The following FMN2 variants were observed in gnomAD, a reference collection of about 807,000 sequenced individuals.
FMN2 encodes the protein formin 2.
A neutral mutation model predicts 142.3 loss-of-function variants in FMN2; 51 were observed. The observed-to-expected ratio is 0.36, with a 90% CI of 0.29 to 0.45. The LOEUF is 0.45. Ranked by LOEUF, FMN2 falls within the 20% of genes least tolerant of loss-of-function variation. The probability of loss-of-function intolerance (pLI) is 1.00; values close to 1 mark genes in which losing one functional copy is unlikely to be tolerated. For synonymous variants in FMN2, 882 were observed against 869.8 expected (o/e 1.01, Z -0.25); for missense variants, 1,936 against 2,122.8 (o/e 0.91, Z 1.73).
intron 4 of FMN2, among the ~76,000 whole-genome samples, chr1:240,206,425 A>T (rs1417780181): frequency 6.6e-6 from 1 of 152,154 alleles, no homozygotes; most frequent in Non-Finnish European, 1.5e-5. Flanking sequence ...AAAATTCGGG[A>T]TTACCTTTAA....
intron 16 of FMN2, among the ~76,000 whole-genome samples, chr1:240,444,038 C>G (rs1675719488): frequency 6.6e-6 from 1 of 152,068 alleles, no homozygotes; most frequent in South Asian, 2.1e-4. Flanking sequence ...GATTGAGAGG[C>G]TATGGTCTAG....
At chr1:240,460,262 A>G (rs146268544) in intron 16 of FMN2, among the ~76,000 whole-genome samples, 118 of 152,342 alleles carry the variant, frequency 7.7e-4, no homozygotes, top group African/African-American at 2.6e-3. Flanking sequence ...TTAAAATAAT[A>G]TCTTCAGTGT....
chr1:240,178,599 G>A (rs959476228), intron 3 of FMN2, among the ~76,000 whole-genome samples: 1 of 151,770 alleles, frequency 6.6e-6, no homozygotes, highest in South Asian at 2.1e-4. Context: ...ACACCACCAC[G>A]TCCAGCTAAT....
chr1:240,280,482 C>T (rs1303397416), intron 7 of FMN2, among the ~76,000 whole-genome samples: 2 of 152,092 alleles, frequency 1.3e-5, no homozygotes, highest in African/African-American at 2.4e-5. Flanking sequence ...TATCACTGTG[C>T]CCCTTTTAGA....
chr1:240,232,249 C>CTT (rs77988184), intron 6 of FMN2, among the ~76,000 whole-genome samples: 51 of 99,566 alleles, frequency 5.1e-4, no homozygotes, highest in Non-Finnish European at 7.2e-4. Context: ...CCCAGCTAAT[C>CTT]TTTTTTTTTT....
intron 15 of FMN2, among the ~76,000 whole-genome samples, chr1:240,427,724 C>T (rs1437444441): frequency 6.6e-6 from 1 of 152,108 alleles, no homozygotes. Flanking sequence ...TAGTTTCACA[C>T]GATCCTCTGT....
At chr1:240,370,803 A>G (rs1672838118) in intron 14 of FMN2, among the ~76,000 whole-genome samples, 1 of 152,214 alleles carries the variant, frequency 6.6e-6, no homozygotes, top group Non-Finnish European at 1.5e-5. Context: ...ATAACCTGAT[A>G]GTAACCTTCA....
At chr1:240,311,664 A>G (rs1391982219) in intron 8 of FMN2, among the ~76,000 whole-genome samples, 1 of 152,238 alleles carries the variant, frequency 6.6e-6, no homozygotes, top group Non-Finnish European at 1.5e-5. Context: ...CTGTCACATC[A>G]TAAAATTATT....
intron 1 of FMN2, among the ~76,000 whole-genome samples, chr1:240,121,832 T>G (rs1662272356): frequency 6.7e-6 from 1 of 150,300 alleles, no homozygotes; most frequent in African/African-American, 2.5e-5. Context: ...ATGTGAATTT[T>G]TATCCCTTTT....
chr1:240,189,186 A>AC (rs397754002), intron 4 of FMN2, among the ~76,000 whole-genome samples: 1 of 151,554 alleles, frequency 6.6e-6, no homozygotes, highest in Non-Finnish European at 1.5e-5. Context: ...AAAAAAAAAA[A>AC]CTGCAAGAAA....
At chr1:240,387,192 G>T (rs1203996162) in intron 14 of FMN2, among the ~76,000 whole-genome samples, 1 of 152,132 alleles carries the variant, frequency 6.6e-6, no homozygotes, top group African/African-American at 2.4e-5. Context: ...TTCCTCCAGT[G>T]TCAGTAGAGA....
chr1:240,116,747 C>T (rs544437050), intron 1 of FMN2, among the ~76,000 whole-genome samples: 2 of 150,556 alleles, frequency 1.3e-5, no homozygotes, highest in East Asian at 3.9e-4. Flanking sequence ...CAGAGGGAGA[C>T]CTTATCTTTA....
At chr1:240,098,097 ATTT>A (rs35191164) in intron 1 of FMN2, among the ~76,000 whole-genome samples, 9,077 of 98,814 alleles carry the variant, frequency 0.092, 480 homozygotes, top group Non-Finnish European at 0.1. Context: ...GTTATCTTGA[ATTT>A]TTTTTTTTTT....
chr1:240,374,866 G>A (rs1177898646), intron 14 of FMN2, among the ~76,000 whole-genome samples: 1 of 152,076 alleles, frequency 6.6e-6, no homozygotes, highest in African/African-American at 2.4e-5. Context: ...CTCCACTTTG[G>A]ACATGCCTAA....
At chr1:240,110,143 C>T (rs941992015) in intron 1 of FMN2, among the ~76,000 whole-genome samples, 2 of 152,142 alleles carry the variant, frequency 1.3e-5, no homozygotes, top group East Asian at 1.9e-4. Context: ...CTTTTATATC[C>T]GAATGCAGAA....
rs879818368 is a variant in FMN2 at position 240,106,681 on chromosome 1, G to T, written c.1615+12957G>T. On this transcript the variant is annotated intron_variant, in intron 1 of 17. Transcript: ENST00000319653. The stretch of plus-strand genomic sequence containing the variant: ...ATACTCATCCCCTCCTTTCCAGGAG[G>T]ATTTTTTTTTCTTTTTTTTTGAGAC... Among the ~76,000 whole-genome samples, 9 of 151,706 alleles carry T rather than the reference G, an allele frequency of 5.9e-5. No individual in the cohort carries two copies. In the East Asian group the frequency reaches 1.6e-3, roughly 26 times the overall value.
At chr1:240,222,732 GTATTT>G (rs1430924463) in intron 6 of FMN2, among the ~76,000 whole-genome samples, 1 of 151,980 alleles carries the variant, frequency 6.6e-6, no homozygotes, top group Non-Finnish European at 1.5e-5. Context: ...TTATTCCTAG[GTATTT>G]TATTCTCTTT....
chr1:240,395,842 A>C (rs1300804743), intron 15 of FMN2, among the ~76,000 whole-genome samples: 1 of 152,232 alleles, frequency 6.6e-6, no homozygotes, highest in Admixed American at 6.5e-5. Flanking sequence ...ATACTACATC[A>C]ACTTAGTTGA....
intron 15 of FMN2, among the ~76,000 whole-genome samples, chr1:240,429,967 G>A (rs1046759685): frequency 1.3e-5 from 2 of 150,928 alleles, no homozygotes; most frequent in Non-Finnish European, 2.9e-5. Flanking sequence ...CTCACTGCAA[G>A]CTCTGCCTCC....
Sources: gnomAD v4.1 joint callset for allele counts (sites outside exome capture counted in the v4.1 genomes callset) on GRCh38, gnomAD v4.1.1 for gene constraint, MANE v1.5 for transcripts, NCBI Gene and HGNC (gene_info 2026-07-23, HGNC 2026-07-21) for gene names.